PLEKHM3: variants seen among roughly 807,000 people sequenced by gnomAD.
PLEKHM3 encodes the protein pleckstrin homology domain-containing family M member 3.
A neutral mutation model predicts 81.8 loss-of-function variants in PLEKHM3; 45 were observed. That is an observed-to-expected ratio of 0.55 (90% confidence interval 0.43 to 0.71). PLEKHM3 has a LOEUF of 0.71. Among genes scored for constraint, PLEKHM3 ranks in the 30% least tolerant of loss-of-function variants. PLEKHM3 has a pLI of 0.00. For synonymous variants in PLEKHM3, 352 were observed against 356.4 expected, an observed-to-expected ratio of 0.99 and a Z score of 0.14; for missense variants, 788 against 924.3, an observed-to-expected ratio of 0.85 and a Z score of 1.91.
intron 2 of PLEKHM3, among the ~76,000 whole-genome samples, chr2:207,979,397 G>A (rs1329482460): frequency 6.6e-6 from 1 of 152,096 alleles, no homozygotes; most frequent in African/African-American, 2.4e-5. Context: ...AGCTGGGTGT[G>A]GTGGCATGCG....
At chr2:207,837,786 TTTG>T (rs2092328701) in intron 7 of PLEKHM3, among the ~76,000 whole-genome samples, 1 of 59,104 alleles carries the variant, frequency 1.7e-5, no homozygotes, top group African/African-American at 6.8e-5. Context: ...TTTTTTTTTT[TTTG>T]AGATTAAGTC....
intron 1 of PLEKHM3, among the ~76,000 whole-genome samples, chr2:208,008,565 T>C (rs1692584111): frequency 6.7e-6 from 1 of 149,806 alleles, no homozygotes; most frequent in Non-Finnish European, 1.5e-5. Context: ...TGTGCCTACT[T>C]ATACCTTACA....
At chr2:207,830,336 G>A (rs533917639) in intron 7 of PLEKHM3, among the ~76,000 whole-genome samples, 4 of 152,150 alleles carry the variant, frequency 2.6e-5, no homozygotes, top group African/African-American at 7.2e-5. Flanking sequence ...GAGGTAGGCC[G>A]GGCATGGTGG....
intron 1 of PLEKHM3, among the ~76,000 whole-genome samples, chr2:208,006,136 TC>T (rs1282562892): frequency 6.6e-6 from 1 of 152,214 alleles, no homozygotes; most frequent in Non-Finnish European, 1.5e-5. Flanking sequence ...CTGTCTTCAT[TC>T]TTTTAGGCTC....
intron 3 of PLEKHM3, among the ~76,000 whole-genome samples, chr2:207,954,182 AT>A (rs1002853333): frequency 1.3e-4 from 20 of 152,014 alleles, no homozygotes; most frequent in Non-Finnish European, 1.3e-4. Flanking sequence ...GTGAGGCCCC[AT>A]TTTTTCCAAA....
At chr2:207,862,802 T>C (rs1170865240) in intron 6 of PLEKHM3, among the ~76,000 whole-genome samples, 2 of 152,182 alleles carry the variant, frequency 1.3e-5, no homozygotes, top group Non-Finnish European at 2.9e-5. Context: ...AATGAAGCTA[T>C]ACATAATACC....
At chr2:207,902,189 AC>A (rs1163813555) in intron 6 of PLEKHM3, among the ~76,000 whole-genome samples, 1 of 152,096 alleles carries the variant, frequency 6.6e-6, no homozygotes, top group African/African-American at 2.4e-5. Context: ...AAAGGTCATC[AC>A]CTGTTACTTC....
chr2:207,948,546 G>T (rs28450798), intron 3 of PLEKHM3, among the ~76,000 whole-genome samples: 187 of 125,664 alleles, frequency 1.5e-3, no homozygotes, highest in East Asian at 3.1e-3. Flanking sequence ...TATTTTTTTT[G>T]TTTTTTTTTT....
intron 2 of PLEKHM3, among the ~76,000 whole-genome samples, chr2:207,992,342 G>A (rs1031879842): frequency 2.6e-5 from 4 of 152,166 alleles, no homozygotes; most frequent in African/African-American, 9.7e-5. Flanking sequence ...ATGTTAAACT[G>A]TTGTGAGTAT....
intron 4 of PLEKHM3, among the ~76,000 whole-genome samples, chr2:207,944,048 A>G (rs1009736253): frequency 3.3e-5 from 5 of 152,204 alleles, no homozygotes; most frequent in Non-Finnish European, 7.3e-5. Context: ...CAGCATAAGA[A>G]TCCTGGTAGT....
rs2105871061 is a variant in PLEKHM3 at position 207,823,070 on chromosome 2, T to G, written c.*5249A>C. The G allele has an allele frequency of 6.6e-6, 1 of 152,302 alleles. No individual in the cohort carries two copies. Among genetic ancestry groups the G allele is most frequent in the Admixed American group, 6.5e-5 (1 of 15,308 alleles). 9.4% of individuals were successfully genotyped at this position (152,302 alleles called of 1,614,324 possible). A position where few individuals can be genotyped will look rare whatever the true frequency, so the allele number is the denominator to read the frequency against. Reference sequence around the variant, plus strand: ...GTGAGTTGCTGTAGGTGCCTGAATCTTCTACTCTGGGCAACAACCAGCTTC... The same window carrying G: ...GTGAGTTGCTGTAGGTGCCTGAATCGTCTACTCTGGGCAACAACCAGCTTC... On this transcript the variant is annotated 3_prime_UTR_variant, in exon 8 of 8. Coordinates refer to ENST00000427836, the MANE Select transcript of PLEKHM3 (RefSeq NM_001080475.3).
Position 208,001,798 on chromosome 2 carries a change from T to C in PLEKHM3, c.-159A>G. 4.9e-6 allele frequency: 6 copies of C among 1,230,418 alleles called. No individual in the cohort carries two copies. Among genetic ancestry groups the C allele is most frequent in the Non-Finnish European group, 5.5e-6 (5 of 901,740 alleles). 76.2% of individuals were successfully genotyped at this position (1,230,418 alleles called of 1,614,324 possible). A position where few individuals can be genotyped will look rare whatever the true frequency, so the allele number is the denominator to read the frequency against. ...TGGAGCAGGCCAAACCCAAAGTGGT[T>C]GATGTTTTCCTGGTAATTAAAAGCA... is the stretch of plus-strand genomic sequence containing the variant. On this transcript the variant is annotated 5_prime_UTR_variant, in exon 2 of 8. Transcript: ENST00000427836.
intron 6 of PLEKHM3, among the ~76,000 whole-genome samples, chr2:207,887,792 G>A (rs142659904): frequency 2.2e-3 from 338 of 152,280 alleles, no homozygotes; most frequent in Admixed American, 4.7e-3. Context: ...GAGAACAACA[G>A]CACTGCCAGG....
At position 207,828,485 on chromosome 2, in the gene PLEKHM3, C is replaced by T. The variant is rs1226770884; in HGVS notation, c.2120G>A (p.Cys707Tyr). The stretch of plus-strand genomic sequence containing the variant: ...GCATTCAGAATGGAAAACGGCTCCA[C>T]AGCTTTCACACCTGCAAAAGTCAAC... ...EDISTSRCES[C>Y]GAVFHSECKE... The change falls in exon 8 of 8, where the codon TGT becomes TAT. Residue 707 changes from cysteine to tyrosine, a missense_variant. Transcript: ENST00000427836. 6.2e-7 allele frequency: 1 copy of T among 1,613,748 alleles called. No individual in the cohort carries two copies. Among genetic ancestry groups the T allele is most frequent in the Non-Finnish European group, 8.5e-7 (1 of 1,179,834 alleles).
intron 7 of PLEKHM3, among the ~76,000 whole-genome samples, chr2:207,838,249 C>G (rs2092331383): frequency 6.6e-6 from 1 of 152,114 alleles, no homozygotes; most frequent in Non-Finnish European, 1.5e-5. Flanking sequence ...TAACACATGC[C>G]CAGATACCTG....
Position 208,001,730 on chromosome 2 carries a change from T to C in PLEKHM3, c.-91A>G, listed in dbSNP as rs1220029702. ...CCAACCAAGAGGGGTGCTTCAGCAA[T>C]AGAGCTATGGAAACAACTGGAAGAA... On this transcript the variant is annotated 5_prime_UTR_variant, in exon 2 of 8. Coordinates refer to ENST00000427836, the MANE Select transcript of PLEKHM3 (RefSeq NM_001080475.3). 4.0e-6 allele frequency: 6 copies of C among 1,516,076 alleles called. No homozygotes were observed. The African/African-American group carries it at 5.6e-5, about 14-fold the overall frequency. The allele number at this position is 1,516,076 out of a possible 1,614,324, so 93.9% of individuals were successfully genotyped here.
At chr2:207,881,881 A>G (rs1187417652) in intron 6 of PLEKHM3, among the ~76,000 whole-genome samples, 8 of 152,026 alleles carry the variant, frequency 5.3e-5, no homozygotes, top group Non-Finnish European at 2.9e-5. Context: ...AGTCTGGCCT[A>G]CTGGATTTCT....
Position 207,967,310 on chromosome 2 carries a change from T to C in PLEKHM3, c.1546+9341A>G, listed in dbSNP as rs1226409505. ...GCACCAATCTTGTAAATGGTTTTCA[T>C]GTAGCCATAGCAACACAAATGCTGG... On this transcript the variant is annotated intron_variant, in intron 3 of 7. Coordinates refer to ENST00000427836, the MANE Select transcript of PLEKHM3 (RefSeq NM_001080475.3). Among the ~76,000 whole-genome samples, 4 of 152,214 alleles carry C rather than the reference T, an allele frequency of 2.6e-5. No homozygotes were observed. In the East Asian group the frequency reaches 7.7e-4, roughly 29 times the overall value.
chr2:207,933,540 G>A (rs776454767), intron 4 of PLEKHM3, among the ~76,000 whole-genome samples: 2 of 152,018 alleles, frequency 1.3e-5, no homozygotes, highest in Non-Finnish European at 2.9e-5. Context: ...ATGGAGTCAG[G>A]GCCCTGCTGA....
Sources: gnomAD v4.1 joint callset for allele counts (sites outside exome capture counted in the v4.1 genomes callset) on GRCh38, gnomAD v4.1.1 for gene constraint, MANE v1.5 for transcripts, NCBI Gene and HGNC (gene_info 2026-07-23, HGNC 2026-07-21) for gene names.